TENM4: variants seen among roughly 807,000 people sequenced by gnomAD.
The protein encoded by TENM4 is teneurin-4.
In TENM4, 82 loss-of-function variants were observed where a neutral mutation model predicts 243.3. The ratio of observed to expected loss-of-function variants is 0.34; its 90% CI spans 0.28 to 0.40. The LOEUF (loss-of-function observed/expected upper bound fraction) is 0.40, where lower values mean the gene tolerates loss of function less well. Among genes scored for constraint, TENM4 ranks in the 10% least tolerant of loss-of-function variants. The pLI, the probability that TENM4 is intolerant of heterozygous loss-of-function variation, is 1.00. For synonymous variants in TENM4, 1,412 were observed against 1,456.3 expected (o/e 0.97, Z 0.69); for missense variants, 3,138 against 3,673.3 (o/e 0.85, Z 3.77).
intron 29 of TENM4, among the ~76,000 whole-genome samples, chr11:78,686,903 T>G (rs1320187224): frequency 6.6e-6 from 1 of 152,216 alleles, no homozygotes; most frequent in Non-Finnish European, 1.5e-5. Context: ...TAAAAGTGGT[T>G]GTAAGAATAT....
intron 14 of TENM4, among the ~76,000 whole-genome samples, chr11:78,807,672 C>T (rs889242978): frequency 9.9e-5 from 15 of 152,150 alleles, no homozygotes; most frequent in East Asian, 1.9e-4. Flanking sequence ...TGTTAGGGGA[C>T]GGTGGTATCC....
intron 12 of TENM4, among the ~76,000 whole-genome samples, chr11:78,836,073 T>C (rs908078726): frequency 1.3e-5 from 2 of 152,168 alleles, no homozygotes; most frequent in African/African-American, 4.8e-5. Flanking sequence ...CCTTTCAGGG[T>C]TGGGGGCAGT....
Position 78,838,704 on chromosome 11 carries a change from A to G in TENM4, c.1681+15400T>C, listed in dbSNP as rs1858180155. ...GAGGAGGTGGAGATGGGTGAATTAC[A>G]GAGTATGAGTTCCATCCAAAGGGGG... On this transcript the variant is annotated intron_variant, in intron 12 of 33. Transcript: ENST00000278550. 2.0e-5 allele frequency among the ~76,000 whole-genome samples: 3 copies of G among 152,330 alleles called. No individual in the cohort carries two copies. The South Asian group carries it at 6.2e-4, about 32-fold the overall frequency.
chr11:79,006,377 G>A (rs912555001), intron 6 of TENM4, among the ~76,000 whole-genome samples: 2 of 152,126 alleles, frequency 1.3e-5, no homozygotes, highest in African/African-American at 4.8e-5. Flanking sequence ...ACACATAATA[G>A]GATAGCTATG....
intron 12 of TENM4, among the ~76,000 whole-genome samples, chr11:78,833,198 A>G (rs1214852303): frequency 6.6e-6 from 1 of 152,234 alleles, no homozygotes; most frequent in African/African-American, 2.4e-5. Flanking sequence ...ATGAAAGTTT[A>G]TAATAAAAAA....
At chr11:79,151,412 G>C (rs1438687652) in intron 3 of TENM4, among the ~76,000 whole-genome samples, 1 of 152,122 alleles carries the variant, frequency 6.6e-6, no homozygotes, top group Non-Finnish European at 1.5e-5. Context: ...GAAGCATCCA[G>C]ACAAAGGAAT....
intron 26 of TENM4, among the ~76,000 whole-genome samples, 200 bp downstream of exon 26, chr11:78,712,280 CTT>C (rs1404943961): frequency 6.6e-6 from 1 of 152,062 alleles, no homozygotes; most frequent in Non-Finnish European, 1.5e-5. Context: ...CACACAAACA[CTT>C]TGAAAAAAGA....
chr11:78,894,051 G>A (rs1855733083), intron 7 of TENM4, among the ~76,000 whole-genome samples: 1 of 152,168 alleles, frequency 6.6e-6, no homozygotes, highest in Non-Finnish European at 1.5e-5. Flanking sequence ...ATAAATATGT[G>A]CTGAATACTG....
intron 6 of TENM4, among the ~76,000 whole-genome samples, chr11:78,926,446 G>A (rs931454909): frequency 3.3e-5 from 5 of 151,856 alleles, no homozygotes; most frequent in African/African-American, 1.2e-4. Context: ...GCTAATTTTT[G>A]TATTTTTAGT....
At chr11:78,844,894 C>A (rs1364351449) in intron 12 of TENM4, among the ~76,000 whole-genome samples, 1 of 152,202 alleles carries the variant, frequency 6.6e-6, no homozygotes, top group East Asian at 1.9e-4. Flanking sequence ...GACTAACACA[C>A]TCCTTTATTT....
chr11:78,762,586 G>A (rs76359811), intron 18 of TENM4, among the ~76,000 whole-genome samples: 1,526 of 152,274 alleles, frequency 0.01, 30 homozygotes, highest in African/African-American at 0.035. Context: ...TTCCTGTGGT[G>A]ATGCTTCCTA....
intron 30 of TENM4, among the ~76,000 whole-genome samples, chr11:78,675,442 A>G (rs1436803086): frequency 1.3e-5 from 2 of 152,314 alleles, no homozygotes; most frequent in Middle Eastern, 3.4e-3. Context: ...TGGCTAGTTC[A>G]TTAACTTTCC....
intron 6 of TENM4, among the ~76,000 whole-genome samples, chr11:79,053,800 A>C (rs1470930748): frequency 6.6e-6 from 1 of 152,106 alleles, no homozygotes; most frequent in African/African-American, 2.4e-5. Flanking sequence ...AACCCATATA[A>C]ACTCCTGGAG....
intron 19 of TENM4, among the ~76,000 whole-genome samples, chr11:78,748,652 T>C (rs1398547266): frequency 6.6e-6 from 1 of 152,230 alleles, no homozygotes. Context: ...ACAAGCCCTA[T>C]GACCATGGCC....
chr11:79,424,735 C>A (rs1015094488), intron 1 of TENM4, among the ~76,000 whole-genome samples: 1 of 152,144 alleles, frequency 6.6e-6, no homozygotes, highest in Non-Finnish European at 1.5e-5. Context: ...GATATCGAGA[C>A]CACCCTGGTT....
intron 1 of TENM4, among the ~76,000 whole-genome samples, chr11:79,413,543 G>A (rs1395677101): frequency 6.6e-6 from 1 of 152,214 alleles, no homozygotes; most frequent in Non-Finnish European, 1.5e-5. Flanking sequence ...GCCCCTAACA[G>A]CTGCCTCAGC....
chr11:78,914,873 A>G (rs1014118100), intron 6 of TENM4, among the ~76,000 whole-genome samples: 1 of 152,216 alleles, frequency 6.6e-6, no homozygotes, highest in Non-Finnish European at 1.5e-5. Flanking sequence ...GAGTCAGGCC[A>G]GGGGCATAGT....
chr11:79,163,834 T>TATATATTATATATACATATATACACAC (rs1591325411), intron 3 of TENM4, among the ~76,000 whole-genome samples: 4 of 146,248 alleles, frequency 2.7e-5, no homozygotes, highest in East Asian at 2.0e-4. Context: ...TATGTGTACA[T>TATATATTATATATACATATATACACAC]ATATATTATA....
intron 1 of TENM4, among the ~76,000 whole-genome samples, chr11:79,358,149 T>C (rs887116470): frequency 6.6e-6 from 1 of 152,224 alleles, no homozygotes; most frequent in Non-Finnish European, 1.5e-5. Context: ...ATCACAGCAG[T>C]CCTGCTAGAT....
Sources: gnomAD v4.1 joint callset for allele counts (sites outside exome capture counted in the v4.1 genomes callset) on GRCh38, gnomAD v4.1.1 for gene constraint, MANE v1.5 for transcripts, NCBI Gene and HGNC (gene_info 2026-07-23, HGNC 2026-07-21) for gene names.